SH3KBP1: variants seen among roughly 807,000 people sequenced by gnomAD.
SH3KBP1 encodes the protein SH3 domain containing kinase binding protein 1.
Under a neutral mutation model 50.1 loss-of-function variants are expected in SH3KBP1, and 8 were observed. That is an observed-to-expected ratio of 0.16 (90% CI 0.09 to 0.29). SH3KBP1 has a LOEUF of 0.29. Among genes scored for constraint, SH3KBP1 ranks in the 10% least tolerant of loss-of-function variants. The pLI is 1.00. For missense variants in SH3KBP1, 377 were observed against 535.2 expected (o/e 0.70, Z 2.92); for synonymous variants, 227 against 218.6 (o/e 1.04, Z -0.34).
At chrX:19,666,747 C>T (rs1466812628) in intron 6 of SH3KBP1, among the ~76,000 whole-genome samples, 1 of 111,435 alleles carries the variant, frequency 9.0e-6, no homozygotes, top group Non-Finnish European at 1.9e-5. Flanking sequence ...CTGAGACTTC[C>T]ACCGAGTGAA....
chrX:19,608,158 G>A, intron 8 of SH3KBP1, 113 bp from the exon 9 acceptor site: 1 of 562,787 alleles, frequency 1.8e-6, no homozygotes, highest in Non-Finnish European at 2.8e-6. Flanking sequence ...TGTTAATGAG[G>A]CAATGGTTAC....
intron 7 of SH3KBP1, among the ~76,000 whole-genome samples, chrX:19,644,344 T>A (rs887884844): frequency 4.5e-5 from 5 of 111,794 alleles, no homozygotes; most frequent in Non-Finnish European, 9.4e-5. Context: ...TTGTACATTT[T>A]AAAATAAAGA....
intron 12 of SH3KBP1, among the ~76,000 whole-genome samples, chrX:19,569,509 G>C (rs1281972778): frequency 8.9e-6 from 1 of 112,771 alleles, no homozygotes; most frequent in Non-Finnish European, 1.9e-5. Flanking sequence ...CTGCCCTGCG[G>C]CCAAATAAAC....
At chrX:19,856,427 A>C (rs2068644286) in intron 1 of SH3KBP1, among the ~76,000 whole-genome samples, 1 of 111,796 alleles carries the variant, frequency 8.9e-6, no homozygotes, top group South Asian at 3.7e-4. Context: ...ATGAAATGAT[A>C]AACGGGCCTC....
chrX:19,785,535 C>G (rs2066319632), intron 2 of SH3KBP1, among the ~76,000 whole-genome samples: 1 of 110,694 alleles, frequency 9.0e-6, no homozygotes, highest in Admixed American at 9.6e-5. Flanking sequence ...CTCAAAAATA[C>G]ATATATTCTC....
intron 2 of SH3KBP1, among the ~76,000 whole-genome samples, chrX:19,801,307 G>A (rs1374951004): frequency 8.9e-6 from 1 of 111,765 alleles, no homozygotes; most frequent in African/African-American, 3.3e-5. Flanking sequence ...CAAGAACACA[G>A]GTTTCTGATG....
At position 19,816,785 on chromosome X, in the gene SH3KBP1, G is replaced by A. The variant is rs1438296455; in HGVS notation, c.162+19340C>T. On this transcript the variant is annotated intron_variant, in intron 2 of 17. Transcript: ENST00000397821. ...ACTGTGCCACTGCACTCTAGCCTGG[G>A]CAACGGAGCAAAAACAAAAAAGATT... 1.8e-5 allele frequency among the ~76,000 whole-genome samples: 2 copies of A among 111,724 alleles called. 1 individual carries two copies. Among genetic ancestry groups the A allele is most frequent in the Non-Finnish European group, 3.8e-5 (2 of 53,112 alleles).
chrX:19,813,390 G>A (rs2067265306), intron 2 of SH3KBP1, among the ~76,000 whole-genome samples: 1 of 108,611 alleles, frequency 9.2e-6, no homozygotes, highest in Admixed American at 9.8e-5. Flanking sequence ...AATATAAGGT[G>A]TACAACATGA....
chrX:19,734,032 C>T (rs1280301547), intron 3 of SH3KBP1, among the ~76,000 whole-genome samples: 1 of 112,309 alleles, frequency 8.9e-6, no homozygotes, highest in Non-Finnish European at 1.9e-5. Flanking sequence ...AAGAAATCAT[C>T]AGAGCTGTGG....
chrX:19,816,953 T>C (rs772827429), intron 2 of SH3KBP1, among the ~76,000 whole-genome samples: 9 of 112,155 alleles, frequency 8.0e-5, no homozygotes, highest in Non-Finnish European at 1.3e-4. Context: ...TTTAATAAGA[T>C]GTTAGATTTA....
intron 3 of SH3KBP1, among the ~76,000 whole-genome samples, chrX:19,742,583 G>GT (rs2064802923): frequency 9.3e-6 from 1 of 107,002 alleles, no homozygotes; most frequent in Non-Finnish European, 1.9e-5. Context: ...TTGTTTGTTT[G>GT]TTTTTTGAGA....
At chrX:19,828,703 G>T (rs1006886429) in intron 2 of SH3KBP1, among the ~76,000 whole-genome samples, 1 of 111,609 alleles carries the variant, frequency 9.0e-6, no homozygotes, top group African/African-American at 3.3e-5. Context: ...AGGATCACTT[G>T]AGCCCAGGAG....
intron 2 of SH3KBP1, among the ~76,000 whole-genome samples, chrX:19,771,213 A>G (rs1379496445): frequency 8.9e-6 from 1 of 112,453 alleles, no homozygotes; most frequent in Non-Finnish European, 1.9e-5. Context: ...TTATCTAGGG[A>G]AGTAATCACA....
chrX:19,839,902 CATTTTATGATGATAG>C (rs1428806851), intron 1 of SH3KBP1, among the ~76,000 whole-genome samples: 1 of 112,197 alleles, frequency 8.9e-6, no homozygotes, highest in Admixed American at 9.5e-5. Flanking sequence ...ACTCAGCTTG[CATTTTATGATGATAG>C]ACCGTTCCCA....
chrX:19,820,220 A>G (rs979807275), intron 2 of SH3KBP1, among the ~76,000 whole-genome samples: 4 of 112,322 alleles, frequency 3.6e-5, no homozygotes, highest in Non-Finnish European at 5.6e-5. Context: ...ATCAATTACA[A>G]CTTCTTGGTT....
At chrX:19,873,384 A>T (rs1359810766) in intron 1 of SH3KBP1, among the ~76,000 whole-genome samples, 2 of 105,068 alleles carry the variant, frequency 1.9e-5, no homozygotes, top group African/African-American at 7.0e-5. Flanking sequence ...AATAGTAAAA[A>T]CCCTGGCTGG....
At chrX:19,732,130 T>C (rs1343795708) in intron 3 of SH3KBP1, among the ~76,000 whole-genome samples, 1 of 111,646 alleles carries the variant, frequency 9.0e-6, no homozygotes, top group Non-Finnish European at 1.9e-5. Flanking sequence ...CGCATAATAA[T>C]TGTACATATT....
At chrX:19,804,963 G>C (rs887542340) in intron 2 of SH3KBP1, among the ~76,000 whole-genome samples, 2 of 101,906 alleles carry the variant, frequency 2.0e-5, no homozygotes, top group African/African-American at 7.3e-5. Flanking sequence ...AGTTTAGGCA[G>C]CCTAAGGCTA....
intron 2 of SH3KBP1, among the ~76,000 whole-genome samples, chrX:19,812,055 G>A (rs1352666199): frequency 9.0e-6 from 1 of 111,618 alleles, no homozygotes; most frequent in Admixed American, 9.5e-5. Flanking sequence ...GATGTGGTTT[G>A]ACTCGGACAA....
Sources: allele counts gnomAD v4.1 joint callset (sites outside exome capture counted in the v4.1 genomes callset), GRCh38; gene constraint gnomAD v4.1.1; transcripts MANE v1.5; gene names NCBI Gene and HGNC (gene_info 2026-07-23, HGNC 2026-07-21).